The following SOX5 variants were observed in gnomAD, a reference collection of about 807,000 sequenced individuals.
The protein encoded by SOX5 is transcription factor SOX-5.
In SOX5, 9 loss-of-function variants were observed where a neutral mutation model predicts 92.0. The ratio of observed to expected loss-of-function variants is 0.10; its 90% CI spans 0.06 to 0.17. The LOEUF is 0.17. Among genes scored for constraint, SOX5 ranks in the 10% least tolerant of loss-of-function variants. SOX5 has a pLI of 1.00. For missense variants in SOX5, 642 were observed against 944.5 expected (o/e 0.68, Z 4.20); for synonymous variants, 344 against 336.3 (o/e 1.02, Z -0.25).
chr12:23,723,581 T>TAC (rs1175467347), intron 6 of SOX5, among the ~76,000 whole-genome samples: 5 of 131,846 alleles, frequency 3.8e-5, no homozygotes, highest in South Asian at 2.4e-4. Context: ...TATATATATA[T>TAC]ACACACACAC....
At chr12:23,890,179 G>T (rs550812448) in intron 2 of SOX5, among the ~76,000 whole-genome samples, 2 of 152,038 alleles carry the variant, frequency 1.3e-5, no homozygotes, top group Admixed American at 6.6e-5. Flanking sequence ...AATTAGTTGC[G>T]CATGGTGGCG....
At chr12:24,282,112 T>G (rs1469618858) in intron 2 of SOX5, among the ~76,000 whole-genome samples, 1 of 152,214 alleles carries the variant, frequency 6.6e-6, no homozygotes, top group Non-Finnish European at 1.5e-5. Flanking sequence ...TGCTATGCTG[T>G]TGTTTCCTAA....
At chr12:24,131,900 C>T (rs10842279) in intron 4 of SOX5, among the ~76,000 whole-genome samples, 9,558 of 152,158 alleles carry the variant, frequency 0.063, 351 homozygotes, top group Middle Eastern at 0.088. Flanking sequence ...TTTGTCTACA[C>T]GGACTAGATT....
chr12:23,928,913 C>T (rs910884482), intron 1 of SOX5, among the ~76,000 whole-genome samples: 1 of 151,770 alleles, frequency 6.6e-6, no homozygotes, highest in Non-Finnish European at 1.5e-5. Flanking sequence ...TATGTTTAAA[C>T]TGTCAATTCA....
chr12:23,850,721 T>C (rs2096624322), intron 2 of SOX5, among the ~76,000 whole-genome samples: 1 of 152,136 alleles, frequency 6.6e-6, no homozygotes. Flanking sequence ...GTTATCTTGA[T>C]TAAAATAATT....
In SOX5 at chr12:24,173,880, A is replaced by C. The variant is rs79639467; in HGVS notation, c.-2+39463T>G. ...AGCCGTGGAAAATGATGATCCACAA[A>C]GCAATGTTTCCCTGGGAGCAGCATG... On this transcript the variant is annotated intron_variant, in intron 4 of 4. Transcript: ENST00000446891. 5.6e-3 allele frequency among the ~76,000 whole-genome samples: 856 copies of C among 152,306 alleles called. 4 individuals are homozygous for C. Among genetic ancestry groups the C allele is most frequent in the African/African-American group, 0.02 (820 of 41,568 alleles).
intron 1 of SOX5, among the ~76,000 whole-genome samples, chr12:23,921,833 G>C (rs758866306): frequency 9.9e-5 from 15 of 152,190 alleles, no homozygotes; most frequent in Non-Finnish European, 1.9e-4. Flanking sequence ...CTGCAGGCAA[G>C]GCAGCAAAGC....
chr12:23,981,262 C>A (rs1300365305), intron 4 of SOX5, among the ~76,000 whole-genome samples: 3 of 152,116 alleles, frequency 2.0e-5, no homozygotes, highest in Non-Finnish European at 2.9e-5. Context: ...TTTATTAACA[C>A]CTTCTCCCTC....
chr12:24,181,865 C>T (rs1955532648), intron 4 of SOX5, among the ~76,000 whole-genome samples: 3 of 152,160 alleles, frequency 2.0e-5, no homozygotes, highest in Non-Finnish European at 4.4e-5. Context: ...AAATGGCCCT[C>T]TATATATGCC....
intron 4 of SOX5, among the ~76,000 whole-genome samples, chr12:24,166,334 C>T (rs1953402251): frequency 6.6e-6 from 1 of 152,058 alleles, no homozygotes; most frequent in Non-Finnish European, 1.5e-5. Context: ...AGATGTTCAG[C>T]CAGCCAATGA....
At chr12:24,320,877 T>A (rs559187238) in intron 2 of SOX5, among the ~76,000 whole-genome samples, 24,974 of 115,582 alleles carry the variant, frequency 0.22, 2,298 homozygotes, top group South Asian at 0.27. Flanking sequence ...AAAAAAATAA[T>A]AATAATAATA....
chr12:23,541,313 T>G (rs959527594), intron 13 of SOX5, among the ~76,000 whole-genome samples: 2 of 152,218 alleles, frequency 1.3e-5, no homozygotes, highest in Non-Finnish European at 2.9e-5. Context: ...GACACAAGAA[T>G]TGAATAATAT....
chr12:24,194,248 C>A (rs191291933), intron 4 of SOX5, among the ~76,000 whole-genome samples: 10 of 152,260 alleles, frequency 6.6e-5, no homozygotes, highest in Admixed American at 2.6e-4. Context: ...GTAAAGGGCA[C>A]TGTATCATAC....
At position 24,175,474 on chromosome 12, in the gene SOX5, G is replaced by A. The variant is rs150851149; in HGVS notation, c.-2+37869C>T. ...CAGCTTCCTGTGCAGTAAGCACAGTGCATGCACGCTGGGAGCAAAGATCTA... is the reference window on the plus strand; with the variant it reads ...CAGCTTCCTGTGCAGTAAGCACAGTACATGCACGCTGGGAGCAAAGATCTA... On this transcript the variant is annotated intron_variant, in intron 4 of 4. Coordinates refer to the SOX5 transcript ENST00000446891. 6.6e-3 allele frequency among the ~76,000 whole-genome samples: 1,011 copies of A among 152,314 alleles called. 40 individuals are homozygous for A. Among genetic ancestry groups the A allele is most frequent in the Admixed American group, 0.062 (948 of 15,300 alleles).
intron 4 of SOX5, among the ~76,000 whole-genome samples, chr12:24,061,580 C>T (rs1014627668): frequency 1.3e-5 from 2 of 151,994 alleles, no homozygotes; most frequent in African/African-American, 4.8e-5. Flanking sequence ...CCAATGATAA[C>T]GTTTGCACAA....
At chr12:24,246,429 C>G (rs1938740983) in intron 3 of SOX5, among the ~76,000 whole-genome samples, 1 of 151,998 alleles carries the variant, frequency 6.6e-6, no homozygotes. Context: ...GATTATCAAC[C>G]TAGCATCATA....
chr12:23,858,559 G>A (rs2096720288), intron 2 of SOX5, among the ~76,000 whole-genome samples: 1 of 152,182 alleles, frequency 6.6e-6, no homozygotes, highest in Non-Finnish European at 1.5e-5. Context: ...GTGCTGGTGA[G>A]GTTGCAGAGA....
At chr12:24,497,878 A>G (rs747383389) in intron 1 of SOX5, among the ~76,000 whole-genome samples, 1 of 152,220 alleles carries the variant, frequency 6.6e-6, no homozygotes, top group Non-Finnish European at 1.5e-5. Context: ...CATAAAAAGA[A>G]TGAGATCATA....
chr12:23,749,515 A>C (rs1319659417), intron 4 of SOX5, among the ~76,000 whole-genome samples: 1 of 151,918 alleles, frequency 6.6e-6, no homozygotes. Flanking sequence ...GAGTGAATAA[A>C]ATAATGAACA....
Sources: allele counts gnomAD v4.1 joint callset (sites outside exome capture counted in the v4.1 genomes callset), GRCh38; gene constraint gnomAD v4.1.1; transcripts MANE v1.5; gene names NCBI Gene and HGNC (gene_info 2026-07-23, HGNC 2026-07-21).